Variants in NCAM2 observed in about 807,000 individuals in gnomAD.
NCAM2 encodes neural cell adhesion molecule 2.
A neutral mutation model predicts 98.1 loss-of-function variants in NCAM2; 30 were observed. The ratio of observed to expected loss-of-function variants is 0.31; its 90% CI spans 0.23 to 0.41. The LOEUF (loss-of-function observed/expected upper bound fraction) is 0.41. Among genes scored for constraint, NCAM2 ranks in the 10% least tolerant of loss-of-function variants. The probability of loss-of-function intolerance (pLI) is 1.00; values close to 1 mark genes in which losing one functional copy is unlikely to be tolerated. For synonymous variants in NCAM2, 368 were observed against 342.4 expected (o/e 1.07, Z -0.83); for missense variants, 867 against 1,005.8 (o/e 0.86, Z 1.87).
chr21:21,192,799 G>A (rs1266668663), intron 1 of NCAM2, among the ~76,000 whole-genome samples: 1 of 152,162 alleles, frequency 6.6e-6, no homozygotes, highest in Non-Finnish European at 1.5e-5. Context: ...GCACCTGCAA[G>A]TTGAGGTCAG....
In NCAM2 at chr21:21,498,225, A is replaced by G. The variant is rs535471988; in HGVS notation, c.2078-10626A>G. ...TCCATAAGCTGGTGTAATTTCATCA[A>G]ATTAAGTGCTGTATTCCTGATTATA... On this transcript the variant is annotated intron_variant, in intron 15 of 17. Coordinates refer to ENST00000400546, the MANE Select transcript of NCAM2 (RefSeq NM_004540.5). 3.3e-4 allele frequency among the ~76,000 whole-genome samples: 50 copies of G among 152,236 alleles called. 1 individual carries two copies. The South Asian group carries it at 4.3e-3, about 13-fold the overall frequency.
chr21:21,400,293 T>C (rs1036941028), intron 9 of NCAM2, among the ~76,000 whole-genome samples: 11 of 152,210 alleles, frequency 7.2e-5, no homozygotes, highest in African/African-American at 2.4e-4. Context: ...CTTCTGCCTG[T>C]ACAGCTGCCA....
chr21:21,288,059 T>A (rs1257721137), intron 4 of NCAM2, among the ~76,000 whole-genome samples: 1 of 151,576 alleles, frequency 6.6e-6, no homozygotes, highest in Non-Finnish European at 1.5e-5. Flanking sequence ...AGCATAGTAT[T>A]TGGTATAACC....
At position 21,432,233 on chromosome 21, in the gene NCAM2, G is replaced by A. The variant is rs373091914; in HGVS notation, c.1606G>A (p.Glu536Lys). 1.7e-5 allele frequency: 28 copies of A among 1,613,960 alleles called. No homozygotes were observed. The highest frequency in any genetic ancestry group is 2.4e-5 in the Non-Finnish European group (28 of 1,179,982). ...TCATCACTATCAGGTGGATGTCAAAGAAGTAGCGTCAGAAATCTGGAAAAT... is the reference window on the plus strand; with the variant it reads ...TCATCACTATCAGGTGGATGTCAAAAAAGTAGCGTCAGAAATCTGGAAAAT... ...PIHHYQVDVK[E>K]VASEIWKIVR... The change falls in exon 12 of 18, where the codon GAA becomes AAA. Residue 536 changes from glutamate (E) to lysine (K), a missense_variant. Around this residue, in one of 5 missense-constraint regions of NCAM2, gnomAD observed 234 missense variants for 333.8 expected, o/e 0.70. Transcript: ENST00000400546.
intron 5 of NCAM2, among the ~76,000 whole-genome samples, chr21:21,304,727 GTCT>G: frequency 6.6e-6 from 1 of 152,128 alleles, no homozygotes; most frequent in East Asian, 1.9e-4. Flanking sequence ...GAGAATAATT[GTCT>G]TCTTGACATT....
intron 15 of NCAM2, among the ~76,000 whole-genome samples, chr21:21,492,598 T>C (rs999504064): frequency 6.6e-6 from 1 of 151,860 alleles, no homozygotes; most frequent in Admixed American, 6.6e-5. Context: ...CTTATTTGCA[T>C]TGTTGGTAGA....
chr21:21,465,451 A>T (rs1314653166), intron 12 of NCAM2, among the ~76,000 whole-genome samples: 1 of 151,964 alleles, frequency 6.6e-6, no homozygotes, highest in Non-Finnish European at 1.5e-5. Context: ...AAATACCATG[A>T]TCATAAATAT....
At chr21:21,254,410 G>T (rs552485468) in intron 1 of NCAM2, among the ~76,000 whole-genome samples, 80 of 152,252 alleles carry the variant, frequency 5.3e-4, no homozygotes, top group Non-Finnish European at 9.4e-4. Flanking sequence ...TAGGTCAATT[G>T]CCTGCAATAG....
intron 1 of NCAM2, among the ~76,000 whole-genome samples, chr21:21,071,523 A>T (rs2065562696): frequency 6.6e-6 from 1 of 152,180 alleles, no homozygotes; most frequent in African/African-American, 2.4e-5. Flanking sequence ...GATATTTAAG[A>T]TTTTCATGCC....
chr21:21,426,900 C>T (rs1476395103), intron 11 of NCAM2, among the ~76,000 whole-genome samples: 1 of 152,120 alleles, frequency 6.6e-6, no homozygotes, highest in Non-Finnish European at 1.5e-5. Flanking sequence ...TGTCTTAAAT[C>T]GTATAATTTG....
intron 9 of NCAM2, among the ~76,000 whole-genome samples, chr21:21,401,527 T>G (rs113345060): frequency 2.7e-3 from 405 of 152,324 alleles, no homozygotes; most frequent in African/African-American, 9.4e-3. Flanking sequence ...TTTGACTGTT[T>G]TTTATTCCAC....
At chr21:21,113,269 G>C (rs2066489733) in intron 1 of NCAM2, among the ~76,000 whole-genome samples, 1 of 152,140 alleles carries the variant, frequency 6.6e-6, no homozygotes, top group Non-Finnish European at 1.5e-5. Flanking sequence ...TCCTTAGCAG[G>C]AATCACGGTG....
intron 1 of NCAM2, among the ~76,000 whole-genome samples, chr21:21,131,640 G>A (rs1032063964): frequency 1.2e-4 from 18 of 152,152 alleles, no homozygotes; most frequent in Admixed American, 5.9e-4. Context: ...TGACTTACAT[G>A]TGTGTAGAAT....
intron 6 of NCAM2, among the ~76,000 whole-genome samples, chr21:21,325,041 T>G (rs2074478027): frequency 6.6e-6 from 1 of 152,140 alleles, no homozygotes; most frequent in South Asian, 2.1e-4. Context: ...TAGTTTATTT[T>G]TTTAGAATTT....
chr21:21,429,941 C>T (rs188257646), intron 11 of NCAM2, among the ~76,000 whole-genome samples: 218 of 152,252 alleles, frequency 1.4e-3, no homozygotes, highest in Non-Finnish European at 1.8e-3. Context: ...ATTTATAAGG[C>T]ATATTTTTAT....
At chr21:21,081,837 A>G (rs1418548676) in intron 1 of NCAM2, among the ~76,000 whole-genome samples, 1 of 147,192 alleles carries the variant, frequency 6.8e-6, no homozygotes, top group African/African-American at 2.6e-5. Flanking sequence ...AAATTATCTC[A>G]TGCCTTTATA....
chr21:21,453,319 A>T (rs563031653), intron 12 of NCAM2, among the ~76,000 whole-genome samples: 24 of 151,660 alleles, frequency 1.6e-4, no homozygotes, highest in African/African-American at 5.3e-4. Flanking sequence ...AAGTGAGGGC[A>T]TGATCACATA....
chr21:21,019,225 C>G (rs1289172770), intron 1 of NCAM2, among the ~76,000 whole-genome samples: 1 of 152,200 alleles, frequency 6.6e-6, no homozygotes, highest in Non-Finnish European at 1.5e-5. Context: ...AAGCCTCGCT[C>G]TGTATACTTA....
At position 20,999,704 on chromosome 21, in the gene NCAM2, C is replaced by T. The variant is rs1249073868; in HGVS notation, c.55+1086C>T. On this transcript the variant is annotated intron_variant, in intron 1 of 17. Coordinates refer to ENST00000400546, the MANE Select transcript of NCAM2 (RefSeq NM_004540.5). ...TAAATTACAAGACAAGTTAAAATAT[C>T]CCCAAGATATTCAGTTCTAAGCATT... 2.0e-5 allele frequency among the ~76,000 whole-genome samples: 3 copies of T among 152,112 alleles called. No individual in the cohort carries two copies. The East Asian group carries it at 5.8e-4, about 29-fold the overall frequency.
Sources: gnomAD v4.1 joint callset for allele counts (sites outside exome capture counted in the v4.1 genomes callset) on GRCh38, gnomAD v4.1.1 for gene constraint, gnomAD v4.1.1 regional missense constraint, MANE v1.5 for transcripts, NCBI Gene and HGNC (gene_info 2026-07-23, HGNC 2026-07-21) for gene names.